FBXW10B: variants seen among roughly 807,000 people sequenced by gnomAD.
The protein encoded by FBXW10B is F-box and WD repeat domain containing protein 10B.
At chr17:15,569,817 T>C in the FBXW10B span, among the ~76,000 whole-genome samples, 5 of 152,258 alleles carry the variant, frequency 3.3e-5, no homozygotes, top group Non-Finnish European at 7.4e-5. Context: ...TCAAGTGATC[T>C]TTCTGTCTTG....
At chr17:15,611,935 A>G in the FBXW10B span, among the ~76,000 whole-genome samples, 16 of 152,200 alleles carry the variant, frequency 1.1e-4, no homozygotes, top group Non-Finnish European at 2.2e-4. Context: ...AGTAAACCTG[A>G]AAGTGAGGGA....
the FBXW10B span, among the ~76,000 whole-genome samples, chr17:15,601,923 T>C: frequency 2.0e-4 from 30 of 152,168 alleles, no homozygotes; most frequent in African/African-American, 6.7e-4. Flanking sequence ...CCATCCTGGC[T>C]AGCACAGAGA....
chr17:15,586,418 C>T, the FBXW10B span, among the ~76,000 whole-genome samples: 5 of 151,480 alleles, frequency 3.3e-5, no homozygotes, highest in Non-Finnish European at 5.9e-5. Flanking sequence ...ATTCATGTTG[C>T]TTTGATAAGG....
the FBXW10B span, among the ~76,000 whole-genome samples, chr17:15,592,198 G>C: frequency 6.6e-6 from 1 of 152,042 alleles, no homozygotes; most frequent in African/African-American, 2.4e-5. Context: ...TGGAATGCGG[G>C]GTGTCATTCC....
the FBXW10B span, among the ~76,000 whole-genome samples, chr17:15,580,990 C>G: frequency 6.6e-6 from 1 of 152,288 alleles, no homozygotes; most frequent in Admixed American, 6.5e-5. Context: ...AAATAATTTG[C>G]TCAAGATCAC....
the FBXW10B span, among the ~76,000 whole-genome samples, chr17:15,568,104 C>G: frequency 2.0e-5 from 3 of 152,314 alleles, no homozygotes; most frequent in Admixed American, 2.0e-4. Flanking sequence ...TGTAGAAAAG[C>G]GTGCTAGTTC....
chr17:15,608,827 A>C, the FBXW10B span, among the ~76,000 whole-genome samples: 3 of 152,252 alleles, frequency 2.0e-5, no homozygotes, highest in Non-Finnish European at 4.4e-5. Flanking sequence ...AAAGTAGATC[A>C]CTTGCCCCAC....
the FBXW10B span, chr17:15,589,162 G>T: frequency 3.1e-6 from 5 of 1,612,772 alleles, no homozygotes; most frequent in Non-Finnish European, 2.5e-6. Context: ...TGTAGCACTT[G>T]GTTCGATTCC....
At chr17:15,569,455 C>CTTTTTTTTT in the FBXW10B span, among the ~76,000 whole-genome samples, 29 of 59,182 alleles carry the variant, frequency 4.9e-4, no homozygotes, top group African/African-American at 7.4e-4. Flanking sequence ...TTTTCTTTTT[C>CTTTTTTTTT]TTTTTTTTTT....
chr17:15,601,594 G>A, the FBXW10B span, among the ~76,000 whole-genome samples: 1 of 152,102 alleles, frequency 6.6e-6, no homozygotes, highest in African/African-American at 2.4e-5. Flanking sequence ...ATTCACAATA[G>A]TAATAAAATT....
chr17:15,573,215 G>A, the FBXW10B span: 21 of 152,190 alleles, frequency 1.4e-4, no homozygotes, highest in African/African-American at 5.1e-4. Flanking sequence ...TCCCAGAGAA[G>A]GTGCAGCTCC....
the FBXW10B span, among the ~76,000 whole-genome samples, chr17:15,615,321 C>CTTT: frequency 9.0e-5 from 8 of 88,714 alleles, no homozygotes; most frequent in Admixed American, 2.8e-4. Context: ...TATTGGCTTT[C>CTTT]TTTTTTTTTT....
the FBXW10B span, chr17:15,593,204 C>T: frequency 6.9e-7 from 1 of 1,458,740 alleles, no homozygotes; most frequent in Non-Finnish European, 9.4e-7. Context: ...CTCCACCCAG[C>T]CAAAATTGTA....
the FBXW10B span, chr17:15,566,220 G>T: frequency 2.5e-6 from 4 of 1,612,310 alleles, no homozygotes; most frequent in Non-Finnish European, 2.5e-6. Context: ...AATTACGGGC[G>T]TGCTGCAGGG....
chr17:15,593,570 T>C, the FBXW10B span: 4 of 1,583,054 alleles, frequency 2.5e-6, no homozygotes, highest in African/African-American at 5.4e-5. Context: ...GTTGGGAGCA[T>C]TTTGTGTGTG....
At chr17:15,582,314 A>C in the FBXW10B span, among the ~76,000 whole-genome samples, 1 of 151,070 alleles carries the variant, frequency 6.6e-6, no homozygotes, top group African/African-American at 2.4e-5. Context: ...ACTAAGGCAG[A>C]AAATCATAGT....
chr17:15,595,425 G>A, the FBXW10B span, among the ~76,000 whole-genome samples: 1 of 152,164 alleles, frequency 6.6e-6, no homozygotes, highest in Non-Finnish European at 1.5e-5. Context: ...GCTCTCTCTC[G>A]GGTTAAGGAG....
At chr17:15,596,859 G>C in the FBXW10B span, among the ~76,000 whole-genome samples, 1 of 152,188 alleles carries the variant, frequency 6.6e-6, no homozygotes, top group Non-Finnish European at 1.5e-5. Context: ...ACAGCACAGA[G>C]CGCCCTGAAT....
At chr17:15,599,623 A>G in the FBXW10B span, among the ~76,000 whole-genome samples, 1 of 150,006 alleles carries the variant, frequency 6.7e-6, no homozygotes, top group African/African-American at 2.5e-5. Flanking sequence ...TCCTTTACCA[A>G]TCACTTAGAT....
Sources: allele counts gnomAD v4.1 joint callset (sites outside exome capture counted in the v4.1 genomes callset), GRCh38; gene constraint gnomAD v4.1.1; transcripts MANE v1.5; gene names NCBI Gene and HGNC (gene_info 2026-07-23, HGNC 2026-07-21).